RNF111: variants seen among roughly 807,000 people sequenced by gnomAD.
RNF111 encodes the protein E3 ubiquitin-protein ligase Arkadia.
RNF111 carries 17 observed loss-of-function variants against 95.1 expected under a neutral mutation model. The ratio of observed to expected loss-of-function variants is 0.18; its 90% CI spans 0.12 to 0.27. The LOEUF (loss-of-function observed/expected upper bound fraction) is 0.27. Ranked by LOEUF, RNF111 falls within the 10% of genes least tolerant of loss-of-function variation. RNF111 has a pLI of 1.00. For missense variants in RNF111, 1,189 were observed against 1,210.4 expected, an observed-to-expected ratio of 0.98 and a Z score of 0.26; for synonymous variants, 440 against 414.8, an observed-to-expected ratio of 1.06 and a Z score of -0.74.
intron 1 of RNF111, among the ~76,000 whole-genome samples, chr15:59,025,094 C>A (rs1039283896): frequency 2.6e-5 from 4 of 152,138 alleles, no homozygotes; most frequent in African/African-American, 9.7e-5. Flanking sequence ...ATGCTTCCAC[C>A]TTTTGGTTTT....
At chr15:59,007,784 C>T (rs1263534272) in intron 1 of RNF111, among the ~76,000 whole-genome samples, 1 of 152,016 alleles carries the variant, frequency 6.6e-6, no homozygotes. Context: ...TTTAAATTTA[C>T]TTATTGGGTA....
intron 5 of RNF111, among the ~76,000 whole-genome samples, chr15:59,065,786 C>T (rs1323073154): frequency 6.6e-6 from 1 of 152,114 alleles, no homozygotes; most frequent in Non-Finnish European, 1.5e-5. Context: ...GTGGGCGGAT[C>T]ACCTGAGCTC....
chr15:59,017,698 G>T (rs570677466), intron 1 of RNF111, among the ~76,000 whole-genome samples: 1 of 149,432 alleles, frequency 6.7e-6, no homozygotes, highest in South Asian at 2.1e-4. Flanking sequence ...GAATTATCAA[G>T]AACAAAAGGT....
chr15:58,993,842 G>T (rs1302438441), intron 1 of RNF111, among the ~76,000 whole-genome samples: 2 of 152,006 alleles, frequency 1.3e-5, no homozygotes, highest in Non-Finnish European at 2.9e-5. Flanking sequence ...AGTTTAGTTT[G>T]TATGTGATTG....
chr15:58,995,764 CT>C (rs34209382), intron 1 of RNF111, among the ~76,000 whole-genome samples: 27,739 of 99,532 alleles, frequency 0.28, 3,260 homozygotes, highest in Admixed American at 0.32. Context: ...GTGCCCCGGC[CT>C]TTTTTTTTTT....
intron 3 of RNF111, among the ~76,000 whole-genome samples, 159 bp from the exon 4 acceptor site, chr15:59,055,523 T>TAGTTAGTGATTCATTCAGCAA (rs6145581): frequency 1.5e-4 from 22 of 151,680 alleles, no homozygotes; most frequent in African/African-American, 5.3e-4. Flanking sequence ...TTAGGTCAAT[T>TAGTTAGTGATTCATTCAGCAA]AGTTTACCGA....
rs1254903188 is a variant in RNF111 at position 59,096,743 on chromosome 15, A to G, written c.*1843A>G. ...CCTATGTCTGCCATCTTACTGGGGAAAAGAGCAAGTAGCCTGTCTTCCTTT... is the reference window on the plus strand; with the variant it reads ...CCTATGTCTGCCATCTTACTGGGGAGAAGAGCAAGTAGCCTGTCTTCCTTT... On this transcript the variant is annotated 3_prime_UTR_variant, in exon 14 of 14. Transcript: ENST00000348370. The G allele has an allele frequency of 1.3e-5, 2 of 152,228 alleles. No individual in the cohort carries two copies. The highest frequency in any genetic ancestry group is 3.8e-4 in the East Asian group (2 of 5,204). 9.4% of individuals were successfully genotyped at this position (152,228 alleles called of 1,614,324 possible). A position where few individuals can be genotyped will look rare whatever the true frequency, so the allele number is the denominator to read the frequency against.
intron 2 of RNF111, among the ~76,000 whole-genome samples, 200 bp downstream of exon 2, chr15:59,031,902 C>T (rs780399653): frequency 6.6e-6 from 1 of 151,956 alleles, no homozygotes; most frequent in African/African-American, 2.4e-5. Context: ...TTTCTAGTGA[C>T]AAAAATAAGT....
In RNF111 at chr15:59,066,989, C is replaced by A. The variant is rs369471833; in HGVS notation, c.1592C>A (p.Ser531Tyr). 2.7e-5 allele frequency: 43 copies of A among 1,613,996 alleles called. No homozygotes were observed. The highest frequency in any genetic ancestry group is 3.4e-5 in the Non-Finnish European group (40 of 1,180,016). ...CACCCAGCTGTCCCAGTTTCTCCTT[C>A]CTTTAGTGATCCTGCTTGCCCTGTG... ...TPHPAVPVSPSFSDPACPVER... is the reference protein window; with the variant it reads ...TPHPAVPVSPYFSDPACPVER... Residue 531 changes from serine (S) to tyrosine (Y), a missense_variant, in exon 6 of 14, where the codon TCC (serine) becomes TAC (tyrosine). Ser to Tyr is a moderately radical substitution (Grantham distance 144). Transcript: ENST00000348370.
chr15:59,051,771 CAATA>C (rs56358103), intron 2 of RNF111, among the ~76,000 whole-genome samples: 18,837 of 149,758 alleles, frequency 0.13, 2,190 homozygotes, highest in African/African-American at 0.31. Flanking sequence ...GAAACTGTCT[CAATA>C]AATAAATAAA....
intron 5 of RNF111, among the ~76,000 whole-genome samples, chr15:59,059,262 A>G (rs1376009734): frequency 1.3e-5 from 2 of 152,238 alleles, no homozygotes; most frequent in Admixed American, 1.3e-4. Context: ...GATGCTCAAC[A>G]TCACTAATCA....
intron 2 of RNF111, among the ~76,000 whole-genome samples, chr15:59,042,122 C>T (rs1017108286): frequency 2.0e-5 from 3 of 151,118 alleles, no homozygotes; most frequent in Non-Finnish European, 3.0e-5. Flanking sequence ...ACTTTTATGC[C>T]AAATTTTTTT....
chr15:59,072,484 C>A (rs1199410893), intron 6 of RNF111, among the ~76,000 whole-genome samples: 1 of 138,682 alleles, frequency 7.2e-6, no homozygotes, highest in East Asian at 2.1e-4. Flanking sequence ...GAGACAGCCT[C>A]GCTCTGTTGC....
At chr15:59,049,116 G>A (rs1441638294) in intron 2 of RNF111, among the ~76,000 whole-genome samples, 4 of 152,068 alleles carry the variant, frequency 2.6e-5, no homozygotes, top group African/African-American at 4.8e-5. Flanking sequence ...TACATTTGTT[G>A]TGAAACAGAT....
rs149547152 is a variant in RNF111 at position 59,046,413 on chromosome 15, G to T, written c.881-5892G>T. ...TCACCATGTTACCCAGGCTGGTCTC[G>T]CACTCCTGGGCTCAAGTGATCTGCC... is the stretch of plus-strand genomic sequence containing the variant. On this transcript the variant is annotated intron_variant, in intron 2 of 13. Coordinates refer to ENST00000348370, the MANE Select transcript of RNF111 (RefSeq NM_017610.8). 3.6e-3 allele frequency among the ~76,000 whole-genome samples: 541 copies of T among 152,164 alleles called. 17 individuals are homozygous for T. The highest frequency in any genetic ancestry group is 1.0e-3 in the Non-Finnish European group (70 of 67,998).
At chr15:59,065,635 A>G (rs2142068015) in intron 5 of RNF111, among the ~76,000 whole-genome samples, 1 of 152,218 alleles carries the variant, frequency 6.6e-6, no homozygotes, top group East Asian at 1.9e-4. Context: ...ACTTTAAAGC[A>G]CATTTTATTT....
At chr15:59,051,991 C>T (rs933234431) in intron 2 of RNF111, among the ~76,000 whole-genome samples, 4 of 151,836 alleles carry the variant, frequency 2.6e-5, no homozygotes, top group Admixed American at 1.3e-4. Flanking sequence ...CTATAATATA[C>T]TACAGATATT....
chr15:59,008,948 G>GTATTT (rs199771747), intron 1 of RNF111, among the ~76,000 whole-genome samples: 149 of 151,898 alleles, frequency 9.8e-4, no homozygotes, highest in African/African-American at 3.1e-3. Context: ...ATATTGTCAC[G>GTATTT]TATTTTATTT....
At chr15:59,078,996 A>G (rs996638608) in intron 7 of RNF111, among the ~76,000 whole-genome samples, 8 of 152,256 alleles carry the variant, frequency 5.3e-5, no homozygotes, top group Admixed American at 2.6e-4. Flanking sequence ...TACATCTGCA[A>G]GTGATATGTT....
Sources: gnomAD v4.1 joint callset for allele counts (sites outside exome capture counted in the v4.1 genomes callset) on GRCh38, gnomAD v4.1.1 for gene constraint, MANE v1.5 for transcripts, NCBI Gene and HGNC (gene_info 2026-07-23, HGNC 2026-07-21) for gene names.